SNTG1: variants seen among roughly 807,000 people sequenced by gnomAD.
The protein encoded by SNTG1 is gamma-1-syntrophin.
A neutral mutation model predicts 74.7 loss-of-function variants in SNTG1; 39 were observed. The ratio of observed to expected loss-of-function variants is 0.52; its 90% CI spans 0.40 to 0.68. The LOEUF is 0.68. Among genes scored for constraint, SNTG1 ranks in the 30% least tolerant of loss-of-function variants. SNTG1 has a pLI of 0.00. For synonymous variants in SNTG1, 254 were observed against 217.1 expected (o/e 1.17, Z -1.49); for missense variants, 685 against 609.5 (o/e 1.12, Z -1.30).
intron 1 of SNTG1, among the ~76,000 whole-genome samples, chr8:50,002,849 G>A (rs1179887311): frequency 6.6e-6 from 1 of 152,122 alleles, no homozygotes; most frequent in Non-Finnish European, 1.5e-5. Context: ...ACAAACAAAT[G>A]TCCATCCACA....
chr8:50,593,018 A>G (rs1254468543), intron 13 of SNTG1, among the ~76,000 whole-genome samples: 2 of 152,352 alleles, frequency 1.3e-5, no homozygotes, highest in Admixed American at 6.5e-5. Context: ...AATCTGAGCC[A>G]GTTTTAAAAA....
chr8:50,235,770 AT>A (rs2085859741), intron 2 of SNTG1, among the ~76,000 whole-genome samples: 2 of 152,184 alleles, frequency 1.3e-5, no homozygotes, highest in Non-Finnish European at 1.5e-5. Flanking sequence ...CCCTAAATGC[AT>A]GGGAAGACAA....
Position 49,946,116 on chromosome 8 carries a change from CATCT to C in SNTG1, c.-103+33892_-103+33895del, listed in dbSNP as rs1449642725. Among the ~76,000 whole-genome samples, 3 of 152,118 alleles carry C rather than the reference CATCT, an allele frequency of 2.0e-5. No homozygotes were observed. The East Asian group carries it at 5.8e-4, about 29-fold the overall frequency. On this transcript the variant is annotated intron_variant, in intron 1 of 18. Transcript: ENST00000642720. ...CTATCTATCATCTATGTATCTATAT[CATCT>C]ATCTATTATGTATTTATAAATGTAG...
At chr8:50,734,813 CTATA>C (rs1390057727) in intron 17 of SNTG1, among the ~76,000 whole-genome samples, 2 of 76,830 alleles carry the variant, frequency 2.6e-5, no homozygotes, top group African/African-American at 5.8e-5. Context: ...ATATAGATAT[CTATA>C]TATATGGACA....
At chr8:50,759,542 C>A (rs2095591713) in intron 18 of SNTG1, among the ~76,000 whole-genome samples, 1 of 151,954 alleles carries the variant, frequency 6.6e-6, no homozygotes, top group Non-Finnish European at 1.5e-5. Flanking sequence ...GCCAGTTTTC[C>A]CAGCACCATT....
At position 50,438,577 on chromosome 8, in the gene SNTG1, G is replaced by A. The variant is rs1342279099; in HGVS notation, c.197G>A (p.Gly66Glu). ...RTVTIRRQTV[G>E]GFGLSIKGGA... The stretch of plus-strand genomic sequence containing the variant: ...GTGACCATCAGAAGACAAACAGTAG[G>A]AGGATTTGGATTAAGCATAAAGGTA... The change falls in exon 5 of 19, where the codon GGA becomes GAA. Residue 66 changes from glycine (G) to glutamate (E), a missense_variant. Gly to Glu is a moderately conservative substitution (Grantham distance 98). Coordinates refer to ENST00000642720, the MANE Select transcript of SNTG1 (RefSeq NM_018967.5). 1 of 1,613,302 alleles carries A rather than the reference G, an allele frequency of 6.2e-7. No homozygotes were observed. Among genetic ancestry groups the A allele is most frequent in the Non-Finnish European group, 8.5e-7 (1 of 1,179,570 alleles).
Position 50,015,689 on chromosome 8 carries a change from G to A in SNTG1, c.-103+103458G>A, listed in dbSNP as rs553099079. ...GTGAATTTTAAATTACTATAACTAG[G>A]CTCAAACACATCTTTATTAATCAAA... is the stretch of plus-strand genomic sequence containing the variant. On this transcript the variant is annotated intron_variant, in intron 1 of 18. Transcript: ENST00000642720. 1.2e-4 allele frequency among the ~76,000 whole-genome samples: 18 copies of A among 152,154 alleles called. 2 individuals carry two copies. The highest frequency in any genetic ancestry group is 4.3e-4 in the African/African-American group (18 of 41,520).
chr8:50,768,062 G>A (rs533747868), intron 18 of SNTG1, among the ~76,000 whole-genome samples: 1 of 152,074 alleles, frequency 6.6e-6, no homozygotes, highest in South Asian at 2.1e-4. Context: ...CTATTTAGTG[G>A]AACAGTGCAG....
At chr8:50,002,186 A>G (rs1361473883) in intron 1 of SNTG1, among the ~76,000 whole-genome samples, 5 of 152,218 alleles carry the variant, frequency 3.3e-5, no homozygotes, top group Non-Finnish European at 7.3e-5. Flanking sequence ...AATATATCAC[A>G]AAGTGGGTAT....
At chr8:50,680,031 G>T (rs987815465) in intron 15 of SNTG1, among the ~76,000 whole-genome samples, 1 of 152,066 alleles carries the variant, frequency 6.6e-6, no homozygotes, top group African/African-American at 2.4e-5. Context: ...TGGACATATA[G>T]CCTTGGCCTG....
chr8:50,577,289 G>A (rs964778953), intron 12 of SNTG1, among the ~76,000 whole-genome samples: 1 of 152,074 alleles, frequency 6.6e-6, no homozygotes, highest in African/African-American at 2.4e-5. Flanking sequence ...TGATTTTCAT[G>A]TGTTGAACCA....
At chr8:50,056,430 C>G (rs1299938453) in intron 1 of SNTG1, among the ~76,000 whole-genome samples, 1 of 152,050 alleles carries the variant, frequency 6.6e-6, no homozygotes, top group Admixed American at 6.6e-5. Flanking sequence ...TTTTTTAAAG[C>G]AAACATCCAT....
At chr8:50,173,312 A>C (rs1437864381) in intron 2 of SNTG1, among the ~76,000 whole-genome samples, 1 of 152,172 alleles carries the variant, frequency 6.6e-6, no homozygotes, top group Non-Finnish European at 1.5e-5. Context: ...TGGCTAGAAA[A>C]GGTTAGGATT....
rs1243594875 is a variant in SNTG1, at chr8:50,092,474, A to G, written c.-102-80087A>G. On this transcript the variant is annotated intron_variant, in intron 1 of 18. Coordinates refer to ENST00000642720, the MANE Select transcript of SNTG1 (RefSeq NM_018967.5). ...CCAACCTGACTGACCGGCAGGAATG[A>G]TAACAGGCAGATCCATTTCTGGAAA... 2.6e-5 allele frequency among the ~76,000 whole-genome samples: 4 copies of G among 152,282 alleles called. No homozygotes were observed. In the South Asian group the frequency reaches 6.2e-4, roughly 24 times the overall value.
intron 1 of SNTG1, among the ~76,000 whole-genome samples, chr8:50,097,433 C>T (rs1198654502): frequency 6.6e-6 from 1 of 151,968 alleles, no homozygotes; most frequent in Non-Finnish European, 1.5e-5. Context: ...ACCACACTCA[C>T]AATCACAAAA....
chr8:50,438,487 G>T (rs1035954344), intron 4 of SNTG1, 56 bp from the exon 5 acceptor site: 1 of 1,472,396 alleles, frequency 6.8e-7, no homozygotes, highest in Non-Finnish European at 9.4e-7. Flanking sequence ...ACAAAAAATG[G>T]TGTGTAAGTA....
At chr8:49,973,568 A>G (rs1025097682) in intron 1 of SNTG1, among the ~76,000 whole-genome samples, 1 of 152,168 alleles carries the variant, frequency 6.6e-6, no homozygotes, top group Non-Finnish European at 1.5e-5. Context: ...GATGAAATTT[A>G]CTGCTTCACT....
intron 10 of SNTG1, among the ~76,000 whole-genome samples, chr8:50,534,694 C>A (rs906279597): frequency 2.6e-5 from 4 of 151,948 alleles, no homozygotes. Context: ...GGCAGGAGGA[C>A]CACTTGACCC....
intron 1 of SNTG1, among the ~76,000 whole-genome samples, chr8:50,108,104 G>A (rs1039899054): frequency 2.0e-5 from 3 of 152,094 alleles, no homozygotes; most frequent in Non-Finnish European, 2.9e-5. Context: ...AGCCACCAAC[G>A]TGGGTCACAC....
Sources: allele counts gnomAD v4.1 joint callset (sites outside exome capture counted in the v4.1 genomes callset), GRCh38; gene constraint gnomAD v4.1.1; transcripts MANE v1.5; gene names NCBI Gene and HGNC (gene_info 2026-07-23, HGNC 2026-07-21).